The following OSBPL6 variants were observed in gnomAD, a reference collection of about 807,000 sequenced individuals.
The protein encoded by OSBPL6 is oxysterol-binding protein-related protein 6.
Under a neutral mutation model 125.8 loss-of-function variants are expected in OSBPL6, and 49 were observed. That is an observed-to-expected ratio of 0.39 (90% CI 0.31 to 0.49). OSBPL6 has a LOEUF of 0.49. Ranked by LOEUF, OSBPL6 falls within the 20% of genes least tolerant of loss-of-function variation. The pLI, the probability that OSBPL6 is intolerant of heterozygous loss-of-function variation, is 0.88. For missense variants in OSBPL6, 986 were observed against 1,135.4 expected, an observed-to-expected ratio of 0.87 and a Z score of 1.89; for synonymous variants, 394 against 391.8, an observed-to-expected ratio of 1.01 and a Z score of -0.07.
At chr2:178,380,508 T>C (rs908842283) in intron 15 of OSBPL6, among the ~76,000 whole-genome samples, 1 of 123,652 alleles carries the variant, frequency 8.1e-6, no homozygotes, top group Non-Finnish European at 1.8e-5. Context: ...GTATACTAGG[T>C]AAATACTAAA....
chr2:178,379,735 A>G (rs576212454), intron 15 of OSBPL6, among the ~76,000 whole-genome samples: 1 of 152,300 alleles, frequency 6.6e-6, no homozygotes, highest in South Asian at 2.1e-4. Context: ...CATGAGCCTG[A>G]TGGTTTAACC....
At chr2:178,346,782 G>T (rs1181128271) in intron 11 of OSBPL6, among the ~76,000 whole-genome samples, 1 of 152,016 alleles carries the variant, frequency 6.6e-6, no homozygotes. Flanking sequence ...ATTCAATTAG[G>T]GTTAGATTAA....
chr2:178,386,797 CAAAT>C (rs1403526544), intron 19 of OSBPL6, among the ~76,000 whole-genome samples: 1 of 151,826 alleles, frequency 6.6e-6, no homozygotes, highest in Non-Finnish European at 1.5e-5. Context: ...TAGTTGAAAA[CAAAT>C]AAAGAGCATA....
intron 1 of OSBPL6, among the ~76,000 whole-genome samples, chr2:178,241,846 T>C (rs1337229450): frequency 6.6e-6 from 1 of 152,210 alleles, no homozygotes; most frequent in African/African-American, 2.4e-5. Context: ...TATATGACAG[T>C]GGTTCCATAT....
rs749641949 is a variant in OSBPL6, at chr2:178,392,580, G to C, written c.2573+42G>C. On this transcript the variant is annotated intron_variant, in intron 23 of 24. Coordinates refer to ENST00000190611, the MANE Select transcript of OSBPL6 (RefSeq NM_032523.4). ...TATTTAATATGCAGACTATGGCTGG[G>C]TGCAGTAGCTCATGCCTATAATCCC... is the stretch of plus-strand genomic sequence containing the variant. The C allele has an allele frequency of 7.5e-6, 12 of 1,604,402 alleles. No individual in the cohort carries two copies. In the East Asian group the frequency reaches 2.7e-4, roughly 36 times the overall value.
At chr2:178,291,791 T>A (rs199859393) in intron 2 of OSBPL6, among the ~76,000 whole-genome samples, 1 of 17,380 alleles carries the variant, frequency 5.8e-5, no homozygotes, top group African/African-American at 1.1e-4. Flanking sequence ...CCTTCCTGCC[T>A]GCCATCCATC....
chr2:178,229,249 A>G (rs2090709780), intron 1 of OSBPL6, among the ~76,000 whole-genome samples: 1 of 152,204 alleles, frequency 6.6e-6, no homozygotes, highest in Non-Finnish European at 1.5e-5. Context: ...ATGGGGACCA[A>G]ATTTCCAACA....
chr2:178,216,299 G>C (rs979793363), intron 1 of OSBPL6, among the ~76,000 whole-genome samples: 10 of 152,070 alleles, frequency 6.6e-5, no homozygotes, highest in African/African-American at 2.4e-4. Flanking sequence ...AGAAAGCAGA[G>C]GTTTTTGGCC....
intron 23 of OSBPL6, among the ~76,000 whole-genome samples, chr2:178,393,193 C>T (rs1385613151): frequency 6.6e-6 from 1 of 152,180 alleles, no homozygotes; most frequent in East Asian, 1.9e-4. Flanking sequence ...CTTTTTACTT[C>T]TATAACTCTG....
chr2:178,371,981 C>A, intron 13 of OSBPL6, 145 bp from the exon 14 acceptor site: 2 of 504,356 alleles, frequency 4.0e-6, no homozygotes, highest in Non-Finnish European at 6.9e-6. Context: ...TTACTCCTTG[C>A]TGGTAGGGTC....
upstream of OSBPL6, among the ~76,000 whole-genome samples, chr2:178,194,161 C>T (rs1394178050): frequency 1.3e-5 from 2 of 152,172 alleles, no homozygotes; most frequent in South Asian, 4.1e-4. Context: ...TCCGCTACTG[C>T]GCGCAGGCCC....
chr2:178,242,679 G>A (rs945937993), intron 1 of OSBPL6, among the ~76,000 whole-genome samples: 22 of 152,336 alleles, frequency 1.4e-4, no homozygotes, highest in African/African-American at 4.6e-4. Context: ...ACCTGCAGCT[G>A]AATCAATGGT....
chr2:178,304,983 G>T (rs531779112), intron 2 of OSBPL6, among the ~76,000 whole-genome samples: 1 of 152,070 alleles, frequency 6.6e-6, no homozygotes, highest in East Asian at 1.9e-4. Flanking sequence ...ATCTGATTCA[G>T]TGTCTCACCC....
chr2:178,324,349 C>G (rs188500046), intron 4 of OSBPL6, 80 bp downstream of exon 4: 499 of 1,028,448 alleles, frequency 4.9e-4, no homozygotes, highest in Middle Eastern at 1.8e-3. Flanking sequence ...AACGTTTACA[C>G]CTGACTCCCC....
intron 2 of OSBPL6, among the ~76,000 whole-genome samples, chr2:178,302,809 A>G (rs1686415497): frequency 6.6e-6 from 1 of 152,232 alleles, no homozygotes; most frequent in Non-Finnish European, 1.5e-5. Context: ...ATGTTAATGA[A>G]AAAAGTACAG....
At chr2:178,382,909 T>A (rs923737523) in intron 16 of OSBPL6, 115 bp from the exon 17 acceptor site, 2 of 1,472,018 alleles carry the variant, frequency 1.4e-6, no homozygotes, top group Non-Finnish European at 1.8e-6. Context: ...TGAAAAGATA[T>A]AATGAAGACT....
chr2:178,220,282 TCTC>T (rs1475194108), intron 1 of OSBPL6, among the ~76,000 whole-genome samples: 1 of 152,058 alleles, frequency 6.6e-6, no homozygotes, highest in East Asian at 1.9e-4. Flanking sequence ...AAATGAACAA[TCTC>T]CTTCTTTTTT....
Position 178,336,357 on chromosome 2 carries a change from T to C in OSBPL6, c.714T>C (p.Pro238=). 1 of 1,614,120 alleles carries C rather than the reference T, an allele frequency of 6.2e-7. No homozygotes were observed. Among genetic ancestry groups the C allele is most frequent in the South Asian group, 1.1e-5 (1 of 91,084 alleles). The change falls in exon 9 of 25, where the codon CCT becomes CCC. Residue 238 remains proline (P), a synonymous_variant. Coordinates refer to ENST00000190611, the MANE Select transcript of OSBPL6 (RefSeq NM_032523.4). ...CTTTACCATGCAGCAATAGCCTCCCTGCAACGTGCACAACTGGCCAGAGTA... is the reference window on the plus strand; with the variant it reads ...CTTTACCATGCAGCAATAGCCTCCCCGCAACGTGCACAACTGGCCAGAGTA... ...QSPLPCSNSL[P]ATCTTGQSKV... is the part of the protein sequence containing the mutation.
intron 1 of OSBPL6, among the ~76,000 whole-genome samples, chr2:178,213,320 A>G (rs913265182): frequency 1.3e-5 from 2 of 152,056 alleles, no homozygotes; most frequent in Non-Finnish European, 2.9e-5. Flanking sequence ...GCACATTTTC[A>G]TATGGTTATC....
Sources: allele counts gnomAD v4.1 joint callset (sites outside exome capture counted in the v4.1 genomes callset), GRCh38; gene constraint gnomAD v4.1.1; transcripts MANE v1.5; gene names NCBI Gene and HGNC (gene_info 2026-07-23, HGNC 2026-07-21).